The following NME7 variants were observed in gnomAD, a reference collection of about 807,000 sequenced individuals.
NME7 encodes nucleoside diphosphate kinase 7.
In NME7, 41 loss-of-function variants were observed where a neutral mutation model predicts 49.1. That is an observed-to-expected ratio of 0.83 (90% CI 0.65 to 1.08). The LOEUF (loss-of-function observed/expected upper bound fraction) is 1.08, where lower values mean the gene tolerates loss of function less well. Among genes scored for constraint, NME7 ranks in the 50% least tolerant of loss-of-function variants. The pLI is 0.00. For synonymous variants in NME7, 139 were observed against 150.6 expected (o/e 0.92, Z 0.56); for missense variants, 423 against 463.4 (o/e 0.91, Z 0.80).
At chr1:169,182,840 T>C (rs921704893) in intron 10 of NME7, among the ~76,000 whole-genome samples, 2 of 152,162 alleles carry the variant, frequency 1.3e-5, no homozygotes, top group African/African-American at 4.8e-5. Context: ...AATGATAGGG[T>C]AGAGAAACTA....
Position 169,216,424 on chromosome 1 carries a change from G to A in NME7, c.990+14294C>T, listed in dbSNP as rs1043862201. 3.3e-5 allele frequency among the ~76,000 whole-genome samples: 5 copies of A among 152,210 alleles called. No homozygotes were observed. The East Asian group carries it at 7.7e-4, about 23-fold the overall frequency. On this transcript the variant is annotated intron_variant, in intron 10 of 11. Transcript: ENST00000367811. ...GGGTTCAGAGAGCTTCCAGATAGCT[G>A]AGCAAATGAAAGTCCCTAAAGGGTG... is the stretch of plus-strand genomic sequence containing the variant.
intron 11 of NME7, among the ~76,000 whole-genome samples, chr1:169,162,342 G>C (rs1659275488): frequency 1.3e-5 from 2 of 151,634 alleles, no homozygotes; most frequent in African/African-American, 4.9e-5. Flanking sequence ...TATTTTATAT[G>C]CTTCTTAAAA....
At chr1:169,278,967 T>C (rs34176173) in intron 7 of NME7, among the ~76,000 whole-genome samples, 37,176 of 152,070 alleles carry the variant, frequency 0.24, 5,518 homozygotes, top group Non-Finnish European at 0.34. Flanking sequence ...CCTGTTTGCC[T>C]GGGTATCAGC....
intron 1 of NME7, among the ~76,000 whole-genome samples, chr1:169,336,620 G>C (rs1198685908): frequency 2.0e-5 from 3 of 151,986 alleles, no homozygotes; most frequent in Non-Finnish European, 4.4e-5. Context: ...GCTGATTGGT[G>C]TGTTTACAAA....
chr1:169,364,992 C>T (rs1445410537), intron 1 of NME7, among the ~76,000 whole-genome samples: 1 of 152,152 alleles, frequency 6.6e-6, no homozygotes, highest in Non-Finnish European at 1.5e-5. Context: ...ACCAATTGCT[C>T]CTTTAGATAA....
In NME7 at chr1:169,215,352, T is replaced by C. The variant is rs149138995; in HGVS notation, c.990+15366A>G. On this transcript the variant is annotated intron_variant, in intron 10 of 11. Transcript: ENST00000367811. ...TAGGTAGTTTTGAAAAAGGCAACAT[T>C]CAATTTGTAAAAAGACATTATTCAG... is the stretch of plus-strand genomic sequence containing the variant. 2.1e-3 allele frequency among the ~76,000 whole-genome samples: 319 copies of C among 152,086 alleles called. 2 individuals carry two copies. Among genetic ancestry groups the C allele is most frequent in the African/African-American group, 6.9e-3 (287 of 41,488 alleles).
intron 7 of NME7, among the ~76,000 whole-genome samples, chr1:169,263,398 T>C (rs934842453): frequency 3.0e-5 from 4 of 133,438 alleles, no homozygotes; most frequent in African/African-American, 1.0e-4. Context: ...AAATAGCTCA[T>C]ATAGAAAATA....
intron 11 of NME7, among the ~76,000 whole-genome samples, chr1:169,134,364 G>C (rs1658357734): frequency 6.6e-6 from 1 of 152,180 alleles, no homozygotes; most frequent in South Asian, 2.1e-4. Context: ...TGTAGGGACA[G>C]TGCCATCTAT....
chr1:169,288,185 G>T (rs1271240095), intron 6 of NME7, among the ~76,000 whole-genome samples: 1 of 151,990 alleles, frequency 6.6e-6, no homozygotes, highest in African/African-American at 2.4e-5. Flanking sequence ...GGCAACCTTT[G>T]TTCCCCCAAA....
intron 1 of NME7, among the ~76,000 whole-genome samples, chr1:169,337,254 C>T (rs1225332231): frequency 1.3e-5 from 2 of 152,236 alleles, no homozygotes; most frequent in Non-Finnish European, 2.9e-5. Context: ...GGTGAGAAAT[C>T]GAGCGCAGCG....
At chr1:169,178,197 T>A (rs943840742) in intron 10 of NME7, among the ~76,000 whole-genome samples, 1 of 152,162 alleles carries the variant, frequency 6.6e-6, no homozygotes, top group East Asian at 1.9e-4. Context: ...AGAAATCAGA[T>A]GTGATCGATT....
chr1:169,151,320 A>T (rs1351899393), intron 11 of NME7, among the ~76,000 whole-genome samples: 1 of 152,088 alleles, frequency 6.6e-6, no homozygotes, highest in Non-Finnish European at 1.5e-5. Flanking sequence ...GAAATGAGTG[A>T]AGTGGCAGGA....
At chr1:169,218,774 T>C (rs1426356503) in intron 10 of NME7, among the ~76,000 whole-genome samples, 1 of 147,974 alleles carries the variant, frequency 6.8e-6, no homozygotes, top group Non-Finnish European at 1.5e-5. Context: ...TTGCAGAGAA[T>C]ACCCATTCCC....
At chr1:169,341,163 G>A (rs766099227) in intron 1 of NME7, among the ~76,000 whole-genome samples, 4 of 152,218 alleles carry the variant, frequency 2.6e-5, no homozygotes, top group Non-Finnish European at 4.4e-5. Flanking sequence ...TTGTGGGCTA[G>A]GCCTGGGGCC....
chr1:169,312,472 A>G (rs1370463039), intron 3 of NME7, among the ~76,000 whole-genome samples: 1 of 152,218 alleles, frequency 6.6e-6, no homozygotes, highest in Admixed American at 6.5e-5. Flanking sequence ...GCACTGTAAG[A>G]TGCAGCGTGA....
intron 11 of NME7, among the ~76,000 whole-genome samples, chr1:169,138,526 A>G (rs1199880787): frequency 6.6e-6 from 1 of 152,066 alleles, no homozygotes; most frequent in African/African-American, 2.4e-5. Context: ...CCTGGGCAAC[A>G]TAGAAAGACT....
intron 11 of NME7, among the ~76,000 whole-genome samples, chr1:169,144,362 A>G (rs1658691350): frequency 6.6e-6 from 1 of 152,222 alleles, no homozygotes; most frequent in African/African-American, 2.4e-5. Context: ...ACAAGAGAAT[A>G]TATTATACAA....
intron 6 of NME7, 125 bp downstream of exon 6, chr1:169,298,431 T>C: frequency 1.1e-6 from 1 of 917,464 alleles, no homozygotes; most frequent in African/African-American, 1.7e-5. Flanking sequence ...ATGTCAAAGG[T>C]TTTCTCTACT....
intron 11 of NME7, among the ~76,000 whole-genome samples, chr1:169,133,931 A>G (rs1301022357): frequency 6.6e-6 from 1 of 152,252 alleles, no homozygotes; most frequent in Non-Finnish European, 1.5e-5. Flanking sequence ...TAAGGCTGCT[A>G]TAAGGTCACG....
Sources: allele counts gnomAD v4.1 joint callset (sites outside exome capture counted in the v4.1 genomes callset), GRCh38; gene constraint gnomAD v4.1.1; transcripts MANE v1.5; gene names NCBI Gene and HGNC (gene_info 2026-07-23, HGNC 2026-07-21).